The following RECK variants were observed in gnomAD, a reference collection of about 807,000 sequenced individuals.
RECK encodes the protein reversion-inducing cysteine-rich protein with Kazal motifs.
In RECK, 69 loss-of-function variants were observed where a neutral mutation model predicts 115.1. The ratio of observed to expected loss-of-function variants is 0.60; its 90% CI spans 0.49 to 0.73. The LOEUF (loss-of-function observed/expected upper bound fraction) is 0.73, where lower values mean the gene tolerates loss of function less well. RECK is among the 30% of genes least tolerant of loss of function. The pLI, the probability that RECK is intolerant of heterozygous loss-of-function variation, is 0.00. For missense variants in RECK, 1,047 were observed against 1,203.7 expected (o/e 0.87, Z 1.93); for synonymous variants, 414 against 419.7 (o/e 0.99, Z 0.17).
At chr9:36,053,160 GGTATTCACTGTGCTATTCTTAAAAGTT>G (rs1425950263) in intron 2 of RECK, among the ~76,000 whole-genome samples, 2 of 152,152 alleles carry the variant, frequency 1.3e-5, no homozygotes, top group Admixed American at 1.3e-4. Context: ...AGACCATGTA[GGTATTCACTGTGCTATTCTTAAAAGTT>G]GTCTGTAGGT....
chr9:36,108,562 C>T (rs1000756470), intron 14 of RECK, among the ~76,000 whole-genome samples: 2 of 152,078 alleles, frequency 1.3e-5, no homozygotes, highest in African/African-American at 4.8e-5. Context: ...GATTCTGCTC[C>T]AGGTCTAGTT....
In RECK at chr9:36,060,111, A is replaced by C; in HGVS notation, c.235-8A>C. 1 of 1,613,524 alleles carries C rather than the reference A, an allele frequency of 6.2e-7. No homozygotes were observed. The highest frequency in any genetic ancestry group is 8.5e-7 in the Non-Finnish European group (1 of 1,179,620). ...TACATAAAAGCCTTTTGTTGGGTAC[A>C]CTTTTAGGTTGAAATTTGGAATTGT... On this transcript the variant is annotated splice_region_variant and splice_polypyrimidine_tract_variant and intron_variant, in intron 3 of 20. Transcript: ENST00000377966.
intron 2 of RECK, among the ~76,000 whole-genome samples, chr9:36,054,623 A>G (rs1821449341): frequency 6.6e-6 from 1 of 152,114 alleles, no homozygotes; most frequent in Non-Finnish European, 1.5e-5. Flanking sequence ...ACAGTATCTA[A>G]CACTCAAAAC....
chr9:36,123,392 C>T lies in RECK; in HGVS notation c.*347C>T, dbSNP rs1490126719. ...CTTTTTAGAAAGATAATTCACTGTA[C>T]TATCAGGTTCACAAACTTCATTTCA... On this transcript the variant is annotated 3_prime_UTR_variant, in exon 21 of 21. Coordinates refer to ENST00000377966, the MANE Select transcript of RECK (RefSeq NM_021111.3). 5.2e-6 allele frequency: 1 copy of T among 191,658 alleles called. No individual in the cohort carries two copies. The highest frequency in any genetic ancestry group is 1.4e-4 in the East Asian group (1 of 7,310). The allele number at this position is 191,658 out of a possible 1,614,324, so 11.9% of individuals were successfully genotyped here.
At chr9:36,078,038 TAAA>T (rs760741568) in intron 6 of RECK, among the ~76,000 whole-genome samples, 12 of 152,176 alleles carry the variant, frequency 7.9e-5, no homozygotes, top group Non-Finnish European at 1.2e-4. Flanking sequence ...TTTTTTAATT[TAAA>T]AAAGTAGGTA....
chr9:36,117,209 A>C, intron 17 of RECK, 32 bp downstream of exon 17: 1 of 1,531,974 alleles, frequency 6.5e-7, no homozygotes, highest in Non-Finnish European at 8.9e-7. Flanking sequence ...AACAAAGTAC[A>C]CTACGGATAA....
intron 6 of RECK, among the ~76,000 whole-genome samples, chr9:36,069,963 G>A (rs10972715): frequency 0.059 from 8,923 of 152,280 alleles, 411 homozygotes; most frequent in South Asian, 0.18. Flanking sequence ...CCGAAAGAAA[G>A]TAACTATCAA....
At chr9:36,068,498 G>C (rs539894091) in intron 6 of RECK, among the ~76,000 whole-genome samples, 3 of 152,322 alleles carry the variant, frequency 2.0e-5, no homozygotes, top group East Asian at 1.9e-4. Flanking sequence ...AACTTAAAAT[G>C]CTAGATGAAT....
chr9:36,062,197 T>G (rs1370913002), intron 4 of RECK, among the ~76,000 whole-genome samples: 1 of 149,568 alleles, frequency 6.7e-6, no homozygotes, highest in East Asian at 2.0e-4. Flanking sequence ...GTTTCACTCT[T>G]CTTGCCCAGG....
chr9:36,089,280 G>A (rs1219369085), intron 9 of RECK, among the ~76,000 whole-genome samples: 7 of 152,142 alleles, frequency 4.6e-5, no homozygotes, highest in East Asian at 1.9e-4. Context: ...TGGAATGGCC[G>A]TGTTGTCCCA....
intron 1 of RECK, among the ~76,000 whole-genome samples, chr9:36,043,085 C>T (rs1397516205): frequency 1.7e-5 from 2 of 118,432 alleles, no homozygotes; most frequent in East Asian, 5.8e-4. Context: ...GAGTGCATCT[C>T]GTGATCTCGG....
At chr9:36,086,553 G>A (rs765172996) in intron 8 of RECK, among the ~76,000 whole-genome samples, 5 of 152,238 alleles carry the variant, frequency 3.3e-5, no homozygotes, top group African/African-American at 4.8e-5. Context: ...AACTTCCACA[G>A]CATGGAAAGG....
chr9:36,079,146 C>T (rs961138313), intron 6 of RECK, among the ~76,000 whole-genome samples: 3 of 152,278 alleles, frequency 2.0e-5, no homozygotes, highest in African/African-American at 4.8e-5. Context: ...CCTCCCACCT[C>T]GGCCTCCCAA....
At chr9:36,038,238 C>T (rs1820746551) in intron 1 of RECK, among the ~76,000 whole-genome samples, 1 of 151,924 alleles carries the variant, frequency 6.6e-6, no homozygotes, top group African/African-American at 2.4e-5. Flanking sequence ...GCTCGAGCCC[C>T]GGGAAGTTGA....
At chr9:36,042,671 C>G (rs576456436) in intron 1 of RECK, among the ~76,000 whole-genome samples, 7 of 152,072 alleles carry the variant, frequency 4.6e-5, no homozygotes, top group Non-Finnish European at 1.0e-4. Context: ...CATATGACTT[C>G]TTTTCCTCTG....
intron 8 of RECK, 81 bp downstream of exon 8, chr9:36,083,643 A>G: frequency 7.2e-7 from 1 of 1,391,682 alleles, no homozygotes; most frequent in East Asian, 2.4e-5. Context: ...TCTTGTAGAT[A>G]TCTGCAGTCT....
rs750508413 is a variant in RECK, at chr9:36,108,116, C to T, written c.1717C>T (p.His573Tyr). The change falls in exon 14 of 21, where the codon CAC (histidine) becomes TAC (tyrosine). Residue 573 changes from histidine to tyrosine, a missense_variant. Transcript: ENST00000377966. ...ACTCTTAGAAAACTGTATGGAAATG[C>T]ACTGTATAGACCTCCAGAAGTCTTG... ...SGLLENCMEM[H>Y]CIDLQKSCIV... The T allele has an allele frequency of 1.9e-6, 3 of 1,613,878 alleles. No individual in the cohort carries two copies. The highest frequency in any genetic ancestry group is 1.1e-5 in the South Asian group (1 of 91,056).
At position 36,049,952 on chromosome 9, in the gene RECK, ATCT is replaced by A. The variant is rs535739347; in HGVS notation, c.101-2308_101-2306del. ...GATAGCAGTATCTAACATGGTTAAC[ATCT>A]TCTTGAAACATTTTATTTGGCTTTT... On this transcript the variant is annotated intron_variant, in intron 1 of 20. Coordinates refer to ENST00000377966, the MANE Select transcript of RECK (RefSeq NM_021111.3). Among the ~76,000 whole-genome samples, 252 of 152,322 alleles carry A rather than the reference ATCT, an allele frequency of 1.7e-3. 8 individuals are homozygous for A. Among genetic ancestry groups the A allele is most frequent in the Non-Finnish European group, 2.1e-3 (144 of 68,032 alleles).
At position 36,091,136 on chromosome 9, in the gene RECK, G is replaced by A. The variant is rs12235235; in HGVS notation, c.906-28G>A. 0.051 allele frequency: 81,923 copies of A among 1,609,314 alleles called. 4,316 individuals are homozygous for A. Among genetic ancestry groups the A allele is most frequent in the East Asian group, 0.22 (9,675 of 44,758 alleles). On this transcript the variant is annotated intron_variant, in intron 9 of 20. Transcript: ENST00000377966. ...AATATTTACTTGGTTGGCTCATGTC[G>A]GCTTCTGCATTTGTGCTCTTGTTTC... is the stretch of plus-strand genomic sequence containing the variant.
Sources: gnomAD v4.1 joint callset for allele counts (sites outside exome capture counted in the v4.1 genomes callset) on GRCh38, gnomAD v4.1.1 for gene constraint, MANE v1.5 for transcripts, NCBI Gene and HGNC (gene_info 2026-07-23, HGNC 2026-07-21) for gene names.